SLC24A2: variants seen among roughly 807,000 people sequenced by gnomAD.
SLC24A2 encodes the protein solute carrier family 24 member 2.
A neutral mutation model predicts 62.0 loss-of-function variants in SLC24A2; 36 were observed. The observed-to-expected ratio is 0.58, with a 90% CI of 0.44 to 0.77. The LOEUF (loss-of-function observed/expected upper bound fraction) is 0.77. Among genes scored for constraint, SLC24A2 ranks in the 30% least tolerant of loss-of-function variants. SLC24A2 has a pLI of 0.00. For missense variants in SLC24A2, 846 were observed against 817.9 expected, an observed-to-expected ratio of 1.03 and a Z score of -0.42; for synonymous variants, 358 against 294.0, an observed-to-expected ratio of 1.22 and a Z score of -2.23.
chr9:19,857,704 T>A, the SLC24A2 span, among the ~76,000 whole-genome samples: 82 of 152,206 alleles, frequency 5.4e-4, no homozygotes, highest in African/African-American at 2.0e-3. Context: ...AAATATTGAT[T>A]CTGTATCCTG....
chr9:19,889,738 G>A, the SLC24A2 span, among the ~76,000 whole-genome samples: 4 of 152,078 alleles, frequency 2.6e-5, no homozygotes, highest in African/African-American at 4.8e-5. Flanking sequence ...GTTTTACCAT[G>A]GTGGCTGTCA....
At chr9:19,849,405 T>C in the SLC24A2 span, among the ~76,000 whole-genome samples, 80,734 of 151,942 alleles carry the variant, frequency 0.53, 22,349 homozygotes, top group Middle Eastern at 0.6. Context: ...TGAGACACTA[T>C]TGTTCAACTC....
At chr9:20,167,109 C>T in the SLC24A2 span, among the ~76,000 whole-genome samples, 10 of 152,044 alleles carry the variant, frequency 6.6e-5, no homozygotes, top group Middle Eastern at 3.4e-3. Flanking sequence ...GCCACTGCAC[C>T]CTGCAATCCT....
At chr9:19,981,386 T>G in the SLC24A2 span, among the ~76,000 whole-genome samples, 1 of 152,176 alleles carries the variant, frequency 6.6e-6, no homozygotes, top group Admixed American at 6.6e-5. Context: ...CTCTCTATAG[T>G]ATTTAATTTA....
At chr9:19,912,269 T>C in the SLC24A2 span, among the ~76,000 whole-genome samples, 4 of 152,120 alleles carry the variant, frequency 2.6e-5, no homozygotes, top group Admixed American at 1.3e-4. Context: ...GAGATGCAGA[T>C]ACTGAGCCTA....
intron 7 of SLC24A2, among the ~76,000 whole-genome samples, chr9:19,560,924 G>T (rs1189905267): frequency 0.05 from 5,435 of 107,988 alleles, 87 homozygotes; most frequent in East Asian, 0.11. Context: ...TATAGAGAGA[G>T]AGAGAGAGAG....
At chr9:19,873,887 G>C in the SLC24A2 span, among the ~76,000 whole-genome samples, 2 of 151,990 alleles carry the variant, frequency 1.3e-5, no homozygotes, top group Non-Finnish European at 2.9e-5. Context: ...CAAAATCCCA[G>C]TTTCTAAAAA....
chr9:19,531,059 A>G (rs1264468761), intron 8 of SLC24A2, among the ~76,000 whole-genome samples: 2 of 152,218 alleles, frequency 1.3e-5, no homozygotes, highest in African/African-American at 2.4e-5. Flanking sequence ...AATTAAAAAA[A>G]GCATCAGGGA....
the SLC24A2 span, among the ~76,000 whole-genome samples, chr9:19,838,249 C>T: frequency 6.6e-6 from 1 of 152,056 alleles, no homozygotes; most frequent in East Asian, 1.9e-4. Flanking sequence ...GAACAGAGCC[C>T]TCAGAAATAA....
the SLC24A2 span, among the ~76,000 whole-genome samples, chr9:20,300,274 A>T: frequency 6.6e-6 from 1 of 152,190 alleles, no homozygotes; most frequent in African/African-American, 2.4e-5. Flanking sequence ...CAATCCAATT[A>T]TATCTTTTAG....
the SLC24A2 span, among the ~76,000 whole-genome samples, chr9:20,156,702 CA>C: frequency 1.4e-4 from 22 of 151,740 alleles, no homozygotes; most frequent in Non-Finnish European, 3.1e-4. Flanking sequence ...GAATCCTAAA[CA>C]AGCTTTTTCA....
At chr9:20,027,954 A>G in the SLC24A2 span, among the ~76,000 whole-genome samples, 1 of 152,194 alleles carries the variant, frequency 6.6e-6, no homozygotes, top group Non-Finnish European at 1.5e-5. Flanking sequence ...TGATACAATA[A>G]GTAAAGAAGC....
chr9:20,047,647 G>A, the SLC24A2 span, among the ~76,000 whole-genome samples: 1 of 142,702 alleles, frequency 7.0e-6, no homozygotes, highest in Non-Finnish European at 1.6e-5. Flanking sequence ...CTACCTCATG[G>A]AGGGCCGCCT....
the SLC24A2 span, among the ~76,000 whole-genome samples, chr9:19,938,624 T>C: frequency 3.9e-5 from 6 of 152,204 alleles, no homozygotes; most frequent in African/African-American, 1.4e-4. Flanking sequence ...CCAGGTCTCT[T>C]TTCCTATTTT....
chr9:19,525,341 C>G (rs1188932178), intron 9 of SLC24A2, among the ~76,000 whole-genome samples: 3 of 141,594 alleles, frequency 2.1e-5, no homozygotes, highest in Non-Finnish European at 4.6e-5. Flanking sequence ...ACTCATTCAC[C>G]TTTTTAAAAA....
At chr9:19,814,455 C>A in the SLC24A2 span, among the ~76,000 whole-genome samples, 4 of 152,144 alleles carry the variant, frequency 2.6e-5, 1 homozygote, top group Non-Finnish European at 5.9e-5. Flanking sequence ...CATTTGTTAT[C>A]AAAATCATCC....
At chr9:20,236,570 G>C in the SLC24A2 span, among the ~76,000 whole-genome samples, 1 of 152,172 alleles carries the variant, frequency 6.6e-6, no homozygotes, top group Non-Finnish European at 1.5e-5. Context: ...TTACTGTCAT[G>C]TTTGAGAGAC....
the SLC24A2 span, among the ~76,000 whole-genome samples, chr9:20,254,858 C>A: frequency 6.6e-6 from 1 of 152,076 alleles, no homozygotes; most frequent in Non-Finnish European, 1.5e-5. Flanking sequence ...ACAGTCCTGG[C>A]GGAATGTGAA....
the SLC24A2 span, among the ~76,000 whole-genome samples, chr9:19,812,287 C>A: frequency 6.6e-6 from 1 of 151,860 alleles, no homozygotes. Flanking sequence ...TTTTTCTCTT[C>A]TTTTGGGAAT....
Sources: allele counts gnomAD v4.1 joint callset (sites outside exome capture counted in the v4.1 genomes callset), GRCh38; gene constraint gnomAD v4.1.1; transcripts MANE v1.5; gene names NCBI Gene and HGNC (gene_info 2026-07-23, HGNC 2026-07-21).